HOXA3: variants seen among roughly 807,000 people sequenced by gnomAD.
HOXA3 encodes homeobox A3.
Under a neutral mutation model 30.3 loss-of-function variants are expected in HOXA3, and 8 were observed. That is an observed-to-expected ratio of 0.26 (90% CI 0.15 to 0.48). HOXA3 has a LOEUF of 0.48. HOXA3 is among the 20% of genes least tolerant of loss of function. The probability of loss-of-function intolerance (pLI) is 0.99; values close to 1 mark genes in which losing one functional copy is unlikely to be tolerated. For synonymous variants in HOXA3, 323 were observed against 273.1 expected (o/e 1.18, Z -1.80); for missense variants, 653 against 614.4 (o/e 1.06, Z -0.66).
At chr7:27,145,699 G>A in intron 1 of HOXA3, 2 of 1,614,200 alleles carry the variant, frequency 1.2e-6, no homozygotes, top group Non-Finnish European at 1.7e-6. Flanking sequence ...CCGCTGGGCT[G>A]CGTGGAATTG....
chr7:27,141,535 TC>T (rs1782568650), intron 1 of HOXA3: 13 of 259,822 alleles, frequency 5.0e-5, no homozygotes, highest in African/African-American at 1.8e-4. Flanking sequence ...TGTTTTTTTT[TC>T]TCTTTTCTTT....
intron 2 of HOXA3, among the ~76,000 whole-genome samples, chr7:27,133,629 G>C (rs1489382650): frequency 1.3e-5 from 2 of 152,178 alleles, no homozygotes; most frequent in Non-Finnish European, 2.9e-5. Context: ...TCATGTCCTC[G>C]AATCCCAGAT....
intron 1 of HOXA3, among the ~76,000 whole-genome samples, chr7:27,146,251 T>TGTGTG (rs1782763250): frequency 2.0e-5 from 3 of 149,012 alleles, no homozygotes; most frequent in Admixed American, 6.7e-5. Flanking sequence ...GTGTGTGTGT[T>TGTGTG]TGTGTGTGTG....
At position 27,137,261 on chromosome 7, in the gene HOXA3, G is replaced by C. The variant is rs17500813; in HGVS notation, c.-390+2822C>G. On this transcript the variant is annotated intron_variant, in intron 2 of 5. Transcript: ENST00000612286. ...AACAATGAAGCAGGGGAAAGAGCAG[G>C]AGAAAGGGAATCTTGGCATAATGTT... 4.9e-3 allele frequency among the ~76,000 whole-genome samples: 742 copies of C among 152,282 alleles called. 6 individuals are homozygous for C. The highest frequency in any genetic ancestry group is 0.017 in the African/African-American group (700 of 41,544).
intron 4 of HOXA3, among the ~76,000 whole-genome samples, chr7:27,118,136 GGCGGAAAT>G (rs1193928114): frequency 7.9e-5 from 12 of 152,190 alleles, no homozygotes; most frequent in Non-Finnish European, 1.6e-4. Flanking sequence ...ATGAACAATC[GGCGGAAAT>G]ACCTTAAAAT....
Position 27,108,893 on chromosome 7 carries a change from T to C in HOXA3, c.527-173A>G, listed in dbSNP as rs1451575947. 6.6e-6 allele frequency among the ~76,000 whole-genome samples: 1 copy of C among 151,708 alleles called. No individual in the cohort carries two copies. Among genetic ancestry groups the C allele is most frequent in the African/African-American group, 2.4e-5 (1 of 41,230 alleles). On this transcript the variant is annotated intron_variant, in intron 5 of 5. Transcript: ENST00000612286. This position sits in a 1 kb window ranked among gnomAD's most constrained non-coding sequence, Gnocchi z 5.0. The stretch of plus-strand genomic sequence containing the variant: ...TCTCTCCTGGTGGGTAAAACAGTGA[T>C]ACTCCCTCATTTAGCCAAGGAGCAA...
intron 2 of HOXA3, chr7:27,130,829 C>T: frequency 7.9e-7 from 1 of 1,258,782 alleles, no homozygotes; most frequent in Non-Finnish European, 1.1e-6. Flanking sequence ...TTCCCATCCC[C>T]CTTTCCTCTG....
intron 4 of HOXA3, among the ~76,000 whole-genome samples, chr7:27,112,250 A>G (rs542763545): frequency 2.0e-4 from 31 of 152,316 alleles, no homozygotes; most frequent in African/African-American, 7.0e-4. Context: ...TCAAAAGAAA[A>G]TGGTTAACAT....
chr7:27,107,964 T>G lies in HOXA3; in HGVS notation c.1283A>C (p.His428Pro), dbSNP rs767612903. 6.3e-7 allele frequency: 1 copy of G among 1,598,034 alleles called. No individual in the cohort carries two copies. Among genetic ancestry groups the G allele is most frequent in the East Asian group, 2.3e-5 (1 of 44,436 alleles). Residue 428 changes from histidine to proline, a missense_variant, in exon 6 of 6, where the codon CAT (histidine) becomes CCT (proline). Transcript: ENST00000612286. Reference protein sequence around the residue: ...HPTYTDLTGHHPSQGRIQEAP... With the variant: ...HPTYTDLTGHPPSQGRIQEAP... ...TTCCTGAATTCTTCCCTGAGAAGGA[T>G]GGTGGCCGGTAAGGTCCGTGTAGGT... is the stretch of plus-strand genomic sequence containing the variant.
rs201917180 is a variant in HOXA3, at chr7:27,110,071, A to T, written c.526+44T>A. 1.9e-6 allele frequency: 3 copies of T among 1,612,942 alleles called. No homozygotes were observed. The East Asian group carries it at 6.7e-5, about 36-fold the overall frequency. ...TGTCGTGGGCAGTAGCTTGGGGACC[A>T]GGAGCCAGGCCAGAGGACCCTCTTC... On this transcript the variant is annotated intron_variant, in intron 5 of 5. Transcript: ENST00000612286.
intron 3 of HOXA3, among the ~76,000 whole-genome samples, chr7:27,126,377 T>C (rs944082311): frequency 2.0e-5 from 3 of 151,684 alleles, no homozygotes; most frequent in African/African-American, 7.3e-5. Flanking sequence ...TTTGGTAAAA[T>C]TATAGAGCTT....
Position 27,107,191 on chromosome 7 carries a change from C to T in HOXA3, c.*724G>A, listed in dbSNP as rs548139740. 4 of 151,648 alleles carry T rather than the reference C, an allele frequency of 2.6e-5. No homozygotes were observed. Among genetic ancestry groups the T allele is most frequent in the Non-Finnish European group, 5.9e-5 (4 of 67,960 alleles). The allele number at this position is 151,648 out of a possible 1,614,324, so 9.4% of individuals were successfully genotyped here. A position where few individuals can be genotyped will look rare whatever the true frequency, so the allele number is the denominator to read the frequency against. Reference sequence around the variant, plus strand: ...TGGATCTTCTCTGGTTTTATTGTATCGTTACCGTTTAAAGGAATTATATTT... The same window carrying T: ...TGGATCTTCTCTGGTTTTATTGTATTGTTACCGTTTAAAGGAATTATATTT... On this transcript the variant is annotated 3_prime_UTR_variant, in exon 6 of 6. Coordinates refer to ENST00000612286, the MANE Select transcript of HOXA3 (RefSeq NM_153631.3).
At chr7:27,148,239 C>A (rs1314357087) in intron 1 of HOXA3, among the ~76,000 whole-genome samples, 1 of 152,276 alleles carries the variant, frequency 6.6e-6, no homozygotes, top group African/African-American at 2.4e-5. Flanking sequence ...GGGGCAGTGA[C>A]AAAGGTGGCT....
chr7:27,140,138 C>T lies in HOXA3; in HGVS notation c.-445G>A, dbSNP rs1446301850. The T allele has an allele frequency of 6.6e-6, 1 of 152,146 alleles. No individual in the cohort carries two copies. The highest frequency in any genetic ancestry group is 2.4e-5 in the African/African-American group (1 of 41,404). The allele number at this position is 152,146 out of a possible 1,614,324, so 9.4% of individuals were successfully genotyped here. On this transcript the variant is annotated 5_prime_UTR_variant, in exon 2 of 6. It adds an upstream start codon to the 5' untranslated region. Coordinates refer to ENST00000612286, the MANE Select transcript of HOXA3 (RefSeq NM_153631.3). ...GTTTTGAGAACTTGTGGTTTGGACA[C>T]TTCTGGACCTAAAATTGACAGTTTG...
chr7:27,111,485 C>CGTGT (rs61655486), intron 4 of HOXA3, among the ~76,000 whole-genome samples: 5,103 of 148,824 alleles, frequency 0.034, 94 homozygotes, highest in Non-Finnish European at 0.043. Flanking sequence ...GAACACATTG[C>CGTGT]GTGTGTGTGT....
At position 27,113,485 on chromosome 7, in the gene HOXA3, A is replaced by G. The variant is rs1336813968; in HGVS notation, c.-120-2725T>C. ...GGAAAGCGGCCTGAACTCGAAGTGT[A>G]AGGGTATCAGTCACTGCCGGGAAGG... is the stretch of plus-strand genomic sequence containing the variant. On this transcript the variant is annotated intron_variant, in intron 4 of 5. Transcript: ENST00000612286. This position sits in a 1 kb window ranked among gnomAD's most constrained non-coding sequence, Gnocchi z 4.8. 6.6e-6 allele frequency: 1 copy of G among 152,174 alleles called. No homozygotes were observed. Among genetic ancestry groups the G allele is most frequent in the Non-Finnish European group, 1.5e-5 (1 of 68,058 alleles). The allele number at this position is 152,174 out of a possible 1,614,324, so 9.4% of individuals were successfully genotyped here. A position where few individuals can be genotyped will look rare whatever the true frequency, so the allele number is the denominator to read the frequency against.
Position 27,113,871 on chromosome 7 carries a change from C to CCCCA in HOXA3, c.-120-3115_-120-3112dup, listed in dbSNP as rs1307689058. 10 of 150,420 alleles carry CCCCA rather than the reference C, an allele frequency of 6.6e-5. No homozygotes were observed. The highest frequency in any genetic ancestry group is 2.1e-4 in the South Asian group (1 of 4,684). 9.3% of individuals were successfully genotyped at this position (150,420 alleles called of 1,614,324 possible). A position where few individuals can be genotyped will look rare whatever the true frequency, so the allele number is the denominator to read the frequency against. On this transcript the variant is annotated intron_variant, in intron 4 of 5. Transcript: ENST00000612286. The surrounding 1 kb of genome is among the most constrained non-coding windows in gnomAD (Gnocchi z 4.8). ...GCGGCTTGGACCCCCCTCCCACCCA[C>CCCCA]CCCACCCACCCACCCCTCCCCCACA...
intron 4 of HOXA3, among the ~76,000 whole-genome samples, chr7:27,120,341 G>A (rs911435833): frequency 6.6e-6 from 1 of 151,982 alleles, no homozygotes; most frequent in Non-Finnish European, 1.5e-5. Context: ...AGCAGTTCGA[G>A]ACCAGCCTGA....
At chr7:27,149,868 G>A (rs535499134) in intron 1 of HOXA3, among the ~76,000 whole-genome samples, 4 of 152,268 alleles carry the variant, frequency 2.6e-5, no homozygotes, top group African/African-American at 4.8e-5. Flanking sequence ...GAAAACAACC[G>A]TTTGGAGATG....
Sources: gnomAD v4.1 joint callset for allele counts (sites outside exome capture counted in the v4.1 genomes callset) on GRCh38, gnomAD v4.1.1 for gene constraint, Gnocchi (gnomAD v3.1) non-coding constraint, MANE v1.5 for transcripts, NCBI Gene and HGNC (gene_info 2026-07-23, HGNC 2026-07-21) for gene names.